Variants in RALGAPA1 observed in about 807,000 individuals in gnomAD.
RALGAPA1 encodes the protein Ral GTPase activating protein catalytic subunit alpha 1, also known as ral GTPase-activating protein subunit alpha-1.
A neutral mutation model predicts 269.6 loss-of-function variants in RALGAPA1; 52 were observed. The observed-to-expected ratio is 0.19, with a 90% CI of 0.15 to 0.24. RALGAPA1 has a LOEUF of 0.24. Among genes scored for constraint, RALGAPA1 ranks in the 10% least tolerant of loss-of-function variants. The probability of loss-of-function intolerance (pLI) is 1.00; values close to 1 mark genes in which losing one functional copy is unlikely to be tolerated. For synonymous variants in RALGAPA1, 817 were observed against 1,008.3 expected (o/e 0.81, Z 3.60); for missense variants, 1,917 against 3,013.9 (o/e 0.64, Z 8.52).
At chr14:35,715,844 CCA>C in intron 16 of RALGAPA1, 1 of 985,342 alleles carries the variant, frequency 1.0e-6, no homozygotes, top group Non-Finnish European at 1.2e-6. Context: ...CAAGATCATC[CCA>C]CTTTTCCAGT....
chr14:35,595,505 G>A, intron 37 of RALGAPA1, 129 bp downstream of exon 37: 1 of 779,982 alleles, frequency 1.3e-6, no homozygotes. Context: ...TTTCAAGACA[G>A]CACTGGGTGG....
intron 1 of RALGAPA1, among the ~76,000 whole-genome samples, chr14:35,797,092 C>T (rs1034715969): frequency 2.6e-5 from 4 of 152,120 alleles, no homozygotes; most frequent in African/African-American, 4.8e-5. Context: ...CAGTGGCTCA[C>T]GCCTGTAATC....
intron 39 of RALGAPA1, 93 bp downstream of exon 39, chr14:35,570,524 G>A (rs1242162163): frequency 1.9e-6 from 2 of 1,025,846 alleles, no homozygotes; most frequent in Non-Finnish European, 1.3e-6. Context: ...AAAAACCCTA[G>A]AAAATAAAAG....
chr14:35,546,623 G>A (rs1234772904), intron 41 of RALGAPA1, among the ~76,000 whole-genome samples: 1 of 151,956 alleles, frequency 6.6e-6, no homozygotes. Context: ...TACATAGGGT[G>A]TGCACAGGAT....
intron 9 of RALGAPA1, 124 bp downstream of exon 9, chr14:35,750,358 T>C (rs1296884116): frequency 3.7e-6 from 2 of 539,260 alleles, no homozygotes. Context: ...TTACAAAATA[T>C]ATTTATACAA....
chr14:35,775,536 CA>C, intron 2 of RALGAPA1, 98 bp downstream of exon 2: 1 of 1,417,004 alleles, frequency 7.1e-7, no homozygotes, highest in Non-Finnish European at 9.2e-7. Context: ...AGCTGTCCGA[CA>C]AAAATAAGTG....
intron 1 of RALGAPA1, among the ~76,000 whole-genome samples, chr14:35,801,101 A>G (rs1360779480): frequency 1.3e-5 from 2 of 151,792 alleles, no homozygotes; most frequent in South Asian, 2.1e-4. Context: ...GGAAAAATCA[A>G]TAAAACCAAA....
chr14:35,638,538 G>A (rs746037153), intron 31 of RALGAPA1, among the ~76,000 whole-genome samples: 83 of 151,700 alleles, frequency 5.5e-4, no homozygotes, highest in Non-Finnish European at 6.2e-4. Context: ...TTCACTAAAA[G>A]GAAAACAGGA....
chr14:35,663,850 C>T (rs2063731215), intron 27 of RALGAPA1, among the ~76,000 whole-genome samples: 1 of 152,090 alleles, frequency 6.6e-6, no homozygotes. Flanking sequence ...CTCGGCCTCC[C>T]AAAGTGCTGG....
intron 24 of RALGAPA1, among the ~76,000 whole-genome samples, chr14:35,673,905 T>C (rs2064721303): frequency 6.6e-6 from 1 of 152,170 alleles, no homozygotes; most frequent in Non-Finnish European, 1.5e-5. Context: ...CACAGCATAT[T>C]CTGTGATACA....
At chr14:35,542,184 G>A (rs1172154504) in intron 41 of RALGAPA1, 13 of 333,406 alleles carry the variant, frequency 3.9e-5, no homozygotes, top group South Asian at 5.1e-5. Flanking sequence ...TGTCCAATGT[G>A]GTAGCCACAG....
At chr14:35,643,664 A>G (rs996544048) in intron 31 of RALGAPA1, among the ~76,000 whole-genome samples, 6 of 152,252 alleles carry the variant, frequency 3.9e-5, no homozygotes, top group Non-Finnish European at 5.9e-5. Flanking sequence ...ATGGATAAAG[A>G]AAAGTGGTAC....
intron 14 of RALGAPA1, among the ~76,000 whole-genome samples, chr14:35,724,313 A>C (rs2069692749): frequency 1.3e-5 from 2 of 152,076 alleles, no homozygotes; most frequent in African/African-American, 4.8e-5. Flanking sequence ...ATGAAAAAAA[A>C]CTCCAACCAA....
At position 35,678,071 on chromosome 14, in the gene RALGAPA1, A is replaced by G. The variant is rs758217039; in HGVS notation, c.4503T>C (p.Pro1501=). 6.2e-7 allele frequency: 1 copy of G among 1,608,666 alleles called. No individual in the cohort carries two copies. Among genetic ancestry groups the G allele is most frequent in the South Asian group, 1.1e-5 (1 of 89,790 alleles). ...GSESASPVHS[P]LGSRSQTPSP... ...AAGGAGTCTGTGACCTGGAGCCCAG[A>G]GGTGAGTGGACTGGGGAAGCACTTT... The change falls in exon 22 of 42, where the codon CCT becomes CCC. Residue 1501 remains proline, a synonymous_variant. Coordinates refer to ENST00000680220, the MANE Select transcript of RALGAPA1 (RefSeq NM_001346249.2).
chr14:35,754,670 A>ATATTT (rs1302183397), intron 7 of RALGAPA1, among the ~76,000 whole-genome samples: 2 of 152,202 alleles, frequency 1.3e-5, no homozygotes. Context: ...TTTCTTAAAT[A>ATATTT]GTCAATATAT....
At chr14:35,597,741 T>A (rs987999350) in intron 36 of RALGAPA1, among the ~76,000 whole-genome samples, 1 of 152,184 alleles carries the variant, frequency 6.6e-6, no homozygotes, top group Non-Finnish European at 1.5e-5. Flanking sequence ...CACTCACTCA[T>A]CTGTTCTTCA....
intron 35 of RALGAPA1, among the ~76,000 whole-genome samples, chr14:35,609,773 C>A (rs2059811340): frequency 6.6e-6 from 1 of 151,042 alleles, no homozygotes; most frequent in South Asian, 2.1e-4. Context: ...AAGAAAAAAA[C>A]CAGCTGGGTG....
intron 33 of RALGAPA1, among the ~76,000 whole-genome samples, chr14:35,629,002 G>C (rs1446408143): frequency 6.6e-6 from 1 of 152,072 alleles, no homozygotes; most frequent in Non-Finnish European, 1.5e-5. Context: ...GGGAGGGGAG[G>C]GGGAGAAGGA....
rs535901961 is a variant in RALGAPA1, at chr14:35,597,695, C to G, written c.7054-1906G>C. Among the ~76,000 whole-genome samples, 104 of 152,300 alleles carry G rather than the reference C, an allele frequency of 6.8e-4. 2 individuals are homozygous for G. Among genetic ancestry groups the G allele is most frequent in the Admixed American group, 6.8e-3 (104 of 15,298 alleles). ...CCTCTTATGTGAGCCATACCCACTT[C>G]ACTCCTACTCTATCCCCTCCTTAAC... is the stretch of plus-strand genomic sequence containing the variant. On this transcript the variant is annotated intron_variant, in intron 36 of 41. Coordinates refer to ENST00000680220, the MANE Select transcript of RALGAPA1 (RefSeq NM_001346249.2).
Sources: allele counts gnomAD v4.1 joint callset (sites outside exome capture counted in the v4.1 genomes callset), GRCh38; gene constraint gnomAD v4.1.1; transcripts MANE v1.5; gene names NCBI Gene and HGNC (gene_info 2026-07-23, HGNC 2026-07-21).